The following MAF variants were observed in gnomAD, a reference collection of about 807,000 sequenced individuals.
The protein encoded by MAF is transcription factor Maf.
A neutral mutation model predicts 22.0 loss-of-function variants in MAF; 10 were observed. The ratio of observed to expected loss-of-function variants is 0.45; its 90% CI spans 0.28 to 0.77. The LOEUF (loss-of-function observed/expected upper bound fraction) is 0.77, where lower values mean the gene tolerates loss of function less well. MAF is among the 30% of genes least tolerant of loss of function. MAF has a pLI of 0.12. For missense variants in MAF, 544 were observed against 548.4 expected, an observed-to-expected ratio of 0.99 and a Z score of 0.08; for synonymous variants, 337 against 255.8, an observed-to-expected ratio of 1.32 and a Z score of -3.03.
At chr16:79,506,115 G>A in the MAF span, among the ~76,000 whole-genome samples, 2 of 152,116 alleles carry the variant, frequency 1.3e-5, no homozygotes, top group Non-Finnish European at 2.9e-5. Context: ...CCCCAAGAGT[G>A]AAATATGCAA....
At chr16:79,583,458 G>C (rs1199172886), downstream of MAF, among the ~76,000 whole-genome samples, 8 of 152,148 alleles carry the variant, frequency 5.3e-5, 1 homozygote, top group Non-Finnish European at 1.5e-5. Context: ...AGCTACAAAT[G>C]GGCCTCTCCC....
chr16:79,262,832 C>T, the MAF span, among the ~76,000 whole-genome samples: 5 of 152,104 alleles, frequency 3.3e-5, no homozygotes, highest in Admixed American at 6.5e-5. Flanking sequence ...TATCTAGAAG[C>T]TGGTGGGTGA....
the MAF span, among the ~76,000 whole-genome samples, chr16:79,473,909 T>A: frequency 6.6e-6 from 1 of 152,174 alleles, no homozygotes; most frequent in African/African-American, 2.4e-5. Context: ...ATTCTTCTCA[T>A]AACGTCTCCA....
the MAF span, among the ~76,000 whole-genome samples, chr16:79,548,724 A>G: frequency 6.6e-6 from 1 of 152,118 alleles, no homozygotes; most frequent in East Asian, 1.9e-4. Context: ...CCCATTGAAT[A>G]CCTGCCCAGC....
At chr16:79,419,453 C>T in the MAF span, among the ~76,000 whole-genome samples, 3 of 152,218 alleles carry the variant, frequency 2.0e-5, no homozygotes, top group East Asian at 5.8e-4. Context: ...GTGATTCTGT[C>T]CTCAGTCGCC....
chr16:79,349,056 C>G, the MAF span, among the ~76,000 whole-genome samples: 1 of 152,222 alleles, frequency 6.6e-6, no homozygotes, highest in Non-Finnish European at 1.5e-5. Flanking sequence ...CAAATGATGA[C>G]AGCTAACATT....
the MAF span, among the ~76,000 whole-genome samples, chr16:79,275,551 G>A: frequency 2.0e-5 from 3 of 152,182 alleles, no homozygotes; most frequent in Non-Finnish European, 2.9e-5. Flanking sequence ...GATGAGATGG[G>A]ATCTGAACTC....
the MAF span, among the ~76,000 whole-genome samples, chr16:79,554,360 A>C: frequency 6.6e-6 from 1 of 152,140 alleles, no homozygotes; most frequent in African/African-American, 2.4e-5. Context: ...CTTTCTTCCT[A>C]ATCTCCCAGA....
At chr16:79,407,014 C>G in the MAF span, among the ~76,000 whole-genome samples, 1 of 152,302 alleles carries the variant, frequency 6.6e-6, no homozygotes, top group South Asian at 2.1e-4. Context: ...TCACACCCAG[C>G]CGGGAAAGAA....
the MAF span, among the ~76,000 whole-genome samples, chr16:79,287,718 TATTCACTCATTCATTC>T: frequency 2.0e-5 from 3 of 151,970 alleles, no homozygotes; most frequent in Non-Finnish European, 4.4e-5. Context: ...CTCATTCATT[TATTCACTCATTCATTC>T]ATTCACTCAT....
chr16:79,514,690 C>T, the MAF span, among the ~76,000 whole-genome samples: 1 of 152,182 alleles, frequency 6.6e-6, no homozygotes, highest in African/African-American at 2.4e-5. Flanking sequence ...ACCCAATCTC[C>T]ATCCTTCTCT....
the MAF span, among the ~76,000 whole-genome samples, chr16:79,580,650 C>T: frequency 2.6e-5 from 4 of 152,078 alleles, no homozygotes; most frequent in East Asian, 5.8e-4. Context: ...CCCAGCTCCA[C>T]GGCTTAGAGA....
chr16:79,314,748 A>G, the MAF span, among the ~76,000 whole-genome samples: 1 of 152,140 alleles, frequency 6.6e-6, no homozygotes, highest in South Asian at 2.1e-4. Flanking sequence ...AAATGAGAGG[A>G]GGCTCGGAGG....
chr16:79,245,933 C>T, the MAF span, among the ~76,000 whole-genome samples: 1 of 152,164 alleles, frequency 6.6e-6, no homozygotes, highest in South Asian at 2.1e-4. Flanking sequence ...TGAAAACCAT[C>T]ATTCTCAGCA....
the MAF span, among the ~76,000 whole-genome samples, chr16:79,529,567 G>A: frequency 6.6e-6 from 1 of 152,150 alleles, no homozygotes; most frequent in Non-Finnish European, 1.5e-5. Flanking sequence ...TGTTTTGGAA[G>A]AGTTAAAAGG....
the MAF span, among the ~76,000 whole-genome samples, chr16:79,243,054 T>G: frequency 1.3e-5 from 2 of 151,982 alleles, no homozygotes; most frequent in African/African-American, 4.8e-5. Flanking sequence ...TAAAGCAGTA[T>G]GCAGAGGGAA....
At chr16:79,315,405 T>G in the MAF span, among the ~76,000 whole-genome samples, 1 of 152,206 alleles carries the variant, frequency 6.6e-6, no homozygotes, top group African/African-American at 2.4e-5. Flanking sequence ...ATCTATTGAT[T>G]ATACAAATTT....
At chr16:79,381,672 G>A in the MAF span, among the ~76,000 whole-genome samples, 1 of 152,166 alleles carries the variant, frequency 6.6e-6, no homozygotes, top group African/African-American at 2.4e-5. Flanking sequence ...GCTACAGTGT[G>A]AATCACGTGG....
the MAF span, among the ~76,000 whole-genome samples, chr16:79,254,836 C>A: frequency 6.6e-6 from 1 of 152,160 alleles, no homozygotes; most frequent in African/African-American, 2.4e-5. Flanking sequence ...ACATAAATAC[C>A]AGCTCAACCA....
Sources: gnomAD v4.1 joint callset for allele counts (sites outside exome capture counted in the v4.1 genomes callset) on GRCh38, gnomAD v4.1.1 for gene constraint, MANE v1.5 for transcripts, NCBI Gene and HGNC (gene_info 2026-07-23, HGNC 2026-07-21) for gene names.